Variants in LRRC4C observed in about 807,000 individuals in gnomAD.
LRRC4C encodes leucine rich repeat containing 4C.
Under a neutral mutation model 33.6 loss-of-function variants are expected in LRRC4C, and 5 were observed. The observed-to-expected ratio is 0.15, with a 90% confidence interval of 0.08 to 0.31. The LOEUF is 0.31. Ranked by LOEUF, LRRC4C falls within the 10% of genes least tolerant of loss-of-function variation. The pLI is 1.00. For synonymous variants in LRRC4C, 329 were observed against 302.0 expected (o/e 1.09, Z -0.93); for missense variants, 560 against 796.7 (o/e 0.70, Z 3.58).
chr11:41,237,776 G>A (rs968084855), intron 1 of LRRC4C, among the ~76,000 whole-genome samples: 2 of 152,092 alleles, frequency 1.3e-5, no homozygotes, highest in African/African-American at 4.8e-5. Flanking sequence ...AGTGTCAACA[G>A]AGCTTTCAAT....
intron 1 of LRRC4C, among the ~76,000 whole-genome samples, chr11:41,437,425 G>A (rs1542200): frequency 0.64 from 95,217 of 148,710 alleles, 30,848 homozygotes; most frequent in African/African-American, 0.7. Context: ...GCGCGCGCGC[G>A]CACACACACA....
intron 2 of LRRC4C, among the ~76,000 whole-genome samples, chr11:40,745,582 GA>G (rs1436708965): frequency 6.6e-6 from 1 of 152,118 alleles, no homozygotes; most frequent in Non-Finnish European, 1.5e-5. Flanking sequence ...GAACTATATA[GA>G]AGGGAATAAT....
chr11:40,881,146 C>A (rs2136021904), intron 2 of LRRC4C, among the ~76,000 whole-genome samples: 1 of 152,054 alleles, frequency 6.6e-6, no homozygotes, highest in South Asian at 2.1e-4. Flanking sequence ...AATAATATTA[C>A]TCAGTAAATA....
intron 3 of LRRC4C, among the ~76,000 whole-genome samples, chr11:40,355,701 G>A (rs1373193106): frequency 1.3e-5 from 2 of 152,122 alleles, no homozygotes; most frequent in East Asian, 1.9e-4. Flanking sequence ...GGATGGTGGA[G>A]GGGTGGTATA....
At chr11:40,208,994 T>C (rs1863376642) in intron 5 of LRRC4C, among the ~76,000 whole-genome samples, 1 of 147,820 alleles carries the variant, frequency 6.8e-6, no homozygotes, top group African/African-American at 2.5e-5. Flanking sequence ...TTCCTGAGGG[T>C]CAGTTGTTAA....
intron 2 of LRRC4C, among the ~76,000 whole-genome samples, chr11:40,859,110 C>T (rs1467697407): frequency 6.6e-6 from 1 of 152,020 alleles, no homozygotes; most frequent in Non-Finnish European, 1.5e-5. Flanking sequence ...CGTAGCAAAC[C>T]ACAAGAAACA....
At position 41,109,280 on chromosome 11, in the gene LRRC4C, G is replaced by T. The variant is rs575246040; in HGVS notation, c.-495-175557C>A. 1.1e-4 allele frequency among the ~76,000 whole-genome samples: 17 copies of T among 152,016 alleles called. No homozygotes were observed. The South Asian group carries it at 3.3e-3, about 30-fold the overall frequency. ...TTCAGAGTGGAAAATAATTACTGAC[G>T]GATTTCAATTGCTAAAAGACAGCTC... is the stretch of plus-strand genomic sequence containing the variant. On this transcript the variant is annotated intron_variant, in intron 1 of 6. Transcript: ENST00000528697.
At chr11:41,271,349 G>C (rs1949313946) in intron 1 of LRRC4C, among the ~76,000 whole-genome samples, 1 of 152,050 alleles carries the variant, frequency 6.6e-6, no homozygotes. Flanking sequence ...AGAGTCTATG[G>C]AACCTAACCT....
intron 2 of LRRC4C, among the ~76,000 whole-genome samples, chr11:40,762,685 A>G (rs1949275980): frequency 6.6e-6 from 1 of 152,164 alleles, no homozygotes; most frequent in Non-Finnish European, 1.5e-5. Context: ...TTGCCAAAGA[A>G]GGAGATATGA....
chr11:40,751,380 CA>C (rs1459826337), intron 2 of LRRC4C, among the ~76,000 whole-genome samples: 2 of 151,942 alleles, frequency 1.3e-5, no homozygotes, highest in Non-Finnish European at 2.9e-5. Context: ...AAGACTCCAC[CA>C]AAAAACTCTT....
intron 1 of LRRC4C, among the ~76,000 whole-genome samples, chr11:41,102,228 T>A (rs1158965670): frequency 1.3e-5 from 2 of 152,132 alleles, no homozygotes; most frequent in African/African-American, 4.8e-5. Flanking sequence ...AAGCTGAGTC[T>A]AAAAATGCTT....
intron 1 of LRRC4C, among the ~76,000 whole-genome samples, chr11:41,200,070 A>T (rs1278951518): frequency 6.6e-6 from 1 of 151,980 alleles, no homozygotes; most frequent in Non-Finnish European, 1.5e-5. Flanking sequence ...TCTGTTCCTT[A>T]TTCCTGCTTG....
intron 1 of LRRC4C, among the ~76,000 whole-genome samples, chr11:41,174,954 T>G (rs1198388011): frequency 1.3e-5 from 2 of 152,068 alleles, no homozygotes; most frequent in Non-Finnish European, 2.9e-5. Flanking sequence ...AGCATTTAAT[T>G]AATGCCTTTA....
chr11:40,209,418 G>T (rs767649438), intron 5 of LRRC4C, among the ~76,000 whole-genome samples: 1 of 152,114 alleles, frequency 6.6e-6, no homozygotes, highest in Non-Finnish European at 1.5e-5. Context: ...AAAGGCTAAA[G>T]GCTTTCCTTG....
At position 40,183,220 on chromosome 11, in the gene LRRC4C, G is replaced by A. The variant is rs1861151656; in HGVS notation, c.-95-42367C>T. Among the ~76,000 whole-genome samples the A allele has an allele frequency of 2.0e-5, 3 of 152,112 alleles. No individual in the cohort carries two copies. In the South Asian group the frequency reaches 6.2e-4, roughly 32 times the overall value. Reference sequence around the variant, plus strand: ...AAGGCATTTTTTTTTCTCTTTAAAAGTCATCCATTCATTCGATTGCAATGG... The same window carrying A: ...AAGGCATTTTTTTTTCTCTTTAAAAATCATCCATTCATTCGATTGCAATGG... On this transcript the variant is annotated intron_variant, in intron 5 of 6. Transcript: ENST00000528697.
chr11:40,762,476 C>A (rs772407976), intron 2 of LRRC4C, among the ~76,000 whole-genome samples: 3 of 152,068 alleles, frequency 2.0e-5, no homozygotes, highest in Non-Finnish European at 2.9e-5. Flanking sequence ...GTGTGATAGC[C>A]ATGATGTAAA....
At chr11:40,451,366 CTTTTTTTTTTTTTTTTTTT>C (rs71060962) in intron 3 of LRRC4C, among the ~76,000 whole-genome samples, 2 of 47,056 alleles carry the variant, frequency 4.3e-5, no homozygotes, top group African/African-American at 9.3e-5. Context: ...GAAATAATGA[CTTTTTTTTTTTTTTTTTTT>C]TTTTTTTTTT....
chr11:40,403,782 G>A (rs917132306), intron 3 of LRRC4C, among the ~76,000 whole-genome samples: 1 of 152,068 alleles, frequency 6.6e-6, no homozygotes, highest in Non-Finnish European at 1.5e-5. Context: ...GAACATTGGA[G>A]TTGACCAGGC....
chr11:40,398,566 G>T (rs1949633566), intron 3 of LRRC4C, among the ~76,000 whole-genome samples: 1 of 152,004 alleles, frequency 6.6e-6, no homozygotes, highest in Admixed American at 6.6e-5. Context: ...ATGTAACTCT[G>T]ATATTTTCTA....
Sources: gnomAD v4.1 joint callset for allele counts (sites outside exome capture counted in the v4.1 genomes callset) on GRCh38, gnomAD v4.1.1 for gene constraint, MANE v1.5 for transcripts, NCBI Gene and HGNC (gene_info 2026-07-23, HGNC 2026-07-21) for gene names.